PDE3A: variants seen among roughly 807,000 people sequenced by gnomAD.
The protein encoded by PDE3A is phosphodiesterase 3A, also known as cGMP-inhibited 3',5'-cyclic phosphodiesterase 3A.
In PDE3A, 43 loss-of-function variants were observed where a neutral mutation model predicts 98.3. The ratio of observed to expected loss-of-function variants is 0.44; its 90% confidence interval spans 0.34 to 0.56. The LOEUF is 0.56. Ranked by LOEUF, PDE3A falls within the 20% of genes least tolerant of loss-of-function variation. The probability of loss-of-function intolerance (pLI) is 0.01; values close to 1 mark genes in which losing one functional copy is unlikely to be tolerated. For synonymous variants in PDE3A, 663 were observed against 567.9 expected, an observed-to-expected ratio of 1.17 and a Z score of -2.38; for missense variants, 1,427 against 1,440.7, an observed-to-expected ratio of 0.99 and a Z score of 0.15.
At chr12:20,604,257 T>C (rs1350338455) in intron 2 of PDE3A, among the ~76,000 whole-genome samples, 2 of 151,966 alleles carry the variant, frequency 1.3e-5, no homozygotes, top group African/African-American at 4.8e-5. Flanking sequence ...GAATTTACTT[T>C]TTAAATAAAA....
chr12:20,495,295 G>C (rs1051829515), intron 1 of PDE3A, among the ~76,000 whole-genome samples: 2 of 151,770 alleles, frequency 1.3e-5, no homozygotes, highest in African/African-American at 4.8e-5. Context: ...CTGGCACTTA[G>C]CATAACAGCT....
Position 20,626,607 on chromosome 12 carries a change from T to C in PDE3A, c.1541-3301T>C, listed in dbSNP as rs554103886. On this transcript the variant is annotated intron_variant, in intron 5 of 15. Coordinates refer to ENST00000359062, the MANE Select transcript of PDE3A (RefSeq NM_000921.5). The stretch of plus-strand genomic sequence containing the variant: ...TCTGCCTCCTGGGTTCAAGCAATTC[T>C]CCTGCCTCAGCCTCCTGAGTAGTGG... 1.9e-3 allele frequency among the ~76,000 whole-genome samples: 282 copies of C among 152,286 alleles called. 6 individuals are homozygous for C. Among genetic ancestry groups the C allele is most frequent in the Non-Finnish European group, 4.6e-4 (31 of 68,022 alleles).
intron 1 of PDE3A, among the ~76,000 whole-genome samples, chr12:20,459,270 A>G (rs1279434825): frequency 6.6e-6 from 1 of 152,130 alleles, no homozygotes; most frequent in Non-Finnish European, 1.5e-5. Context: ...AAAATTTTCA[A>G]CTATCCCGGA....
intron 10 of PDE3A, among the ~76,000 whole-genome samples, chr12:20,643,395 T>C (rs1345116135): frequency 6.6e-6 from 1 of 152,168 alleles, no homozygotes; most frequent in South Asian, 2.1e-4. Context: ...TGCTCCTGGG[T>C]TGGGTTACCA....
intron 1 of PDE3A, among the ~76,000 whole-genome samples, chr12:20,497,986 A>G (rs1190373768): frequency 1.3e-5 from 2 of 152,144 alleles, no homozygotes; most frequent in African/African-American, 4.8e-5. Context: ...CTGTTTACCA[A>G]TTGCGTATGA....
At chr12:20,416,416 ATGTGTGTGTATG>A (rs1944422207) in intron 1 of PDE3A, among the ~76,000 whole-genome samples, 1 of 152,184 alleles carries the variant, frequency 6.6e-6, no homozygotes, top group African/African-American at 2.4e-5. Flanking sequence ...ATGTGAATGC[ATGTGTGTGTATG>A]TGTGTGTGTC....
intron 1 of PDE3A, among the ~76,000 whole-genome samples, chr12:20,474,505 T>G (rs1565560860): frequency 6.6e-6 from 1 of 152,222 alleles, no homozygotes; most frequent in Admixed American, 6.5e-5. Context: ...CAACACACAT[T>G]TATTCTCTTT....
intron 3 of PDE3A, among the ~76,000 whole-genome samples, chr12:20,615,987 G>C (rs1943995527): frequency 6.6e-6 from 1 of 152,140 alleles, no homozygotes. Flanking sequence ...GCCTCCCAAA[G>C]TGCTGGAATT....
At chr12:20,379,992 G>T (rs2120537708) in intron 1 of PDE3A, among the ~76,000 whole-genome samples, 1 of 151,584 alleles carries the variant, frequency 6.6e-6, no homozygotes, top group South Asian at 2.1e-4. Context: ...TCATATTTTA[G>T]AAAAATAAAA....
In PDE3A at chr12:20,686,457, A is replaced by G. The variant is rs1011918273; in HGVS notation, c.*6186A>G. The stretch of plus-strand genomic sequence containing the variant: ...AGATGAAACACTGACCAGTCAATAA[A>G]CAACAGCCACTGCATTAATCTGCCC... On this transcript the variant is annotated 3_prime_UTR_variant, in exon 16 of 16. Transcript: ENST00000359062. 1.3e-5 allele frequency among the ~76,000 whole-genome samples: 2 copies of G among 152,188 alleles called. No individual in the cohort carries two copies. The highest frequency in any genetic ancestry group is 2.9e-5 in the Non-Finnish European group (2 of 68,010).
chr12:20,652,874 A>G (rs1053988287), intron 14 of PDE3A, among the ~76,000 whole-genome samples: 1 of 152,246 alleles, frequency 6.6e-6, no homozygotes, highest in Admixed American at 6.5e-5. Flanking sequence ...AGAAACTACC[A>G]TCAGAGTGAA....
chr12:20,559,135 A>G (rs1047158459), intron 2 of PDE3A, among the ~76,000 whole-genome samples: 6 of 152,310 alleles, frequency 3.9e-5, no homozygotes, highest in Admixed American at 2.6e-4. Context: ...GTCACATAAA[A>G]TTATAATACC....
intron 1 of PDE3A, chr12:20,551,478 A>G (rs1381715995): frequency 5.9e-6 from 4 of 682,152 alleles, no homozygotes; most frequent in South Asian, 5.7e-5. Context: ...GTGGTGGTGC[A>G]TGGCCGTTCT....
intron 15 of PDE3A, among the ~76,000 whole-genome samples, chr12:20,659,631 C>A (rs1945114887): frequency 6.6e-6 from 1 of 151,934 alleles, no homozygotes; most frequent in African/African-American, 2.4e-5. Flanking sequence ...GAAACAGGAC[C>A]TCACTATGTT....
intron 1 of PDE3A, among the ~76,000 whole-genome samples, chr12:20,453,073 A>G (rs1347808719): frequency 6.6e-6 from 1 of 151,954 alleles, no homozygotes; most frequent in Admixed American, 6.6e-5. Context: ...ACTGTTTTGA[A>G]TCTGTAGGTG....
chr12:20,657,346 C>T (rs7314545), intron 15 of PDE3A, among the ~76,000 whole-genome samples: 10,689 of 152,096 alleles, frequency 0.07, 790 homozygotes, highest in African/African-American at 0.19. Flanking sequence ...TTTTGGCTCT[C>T]AGTAATGTTA....
At chr12:20,586,169 A>C (rs539920759) in intron 2 of PDE3A, among the ~76,000 whole-genome samples, 15 of 152,294 alleles carry the variant, frequency 9.8e-5, no homozygotes, top group African/African-American at 3.6e-4. Context: ...GCAAGAAACA[A>C]TCTGTTAAGA....
At chr12:20,370,680 A>G (rs1943456432) in intron 1 of PDE3A, among the ~76,000 whole-genome samples, 1 of 152,144 alleles carries the variant, frequency 6.6e-6, no homozygotes, top group Admixed American at 6.5e-5. Context: ...CTACTTTTTA[A>G]AAAGTAAAAT....
chr12:20,481,551 G>T (rs575056086), intron 1 of PDE3A, among the ~76,000 whole-genome samples: 2 of 152,034 alleles, frequency 1.3e-5, no homozygotes, highest in South Asian at 4.2e-4. Flanking sequence ...GGTACTATAG[G>T]ACCTACTCTT....
Sources: gnomAD v4.1 joint callset for allele counts (sites outside exome capture counted in the v4.1 genomes callset) on GRCh38, gnomAD v4.1.1 for gene constraint, MANE v1.5 for transcripts, NCBI Gene and HGNC (gene_info 2026-07-23, HGNC 2026-07-21) for gene names.